PTPRT: variants seen among roughly 807,000 people sequenced by gnomAD.
PTPRT encodes the protein protein tyrosine phosphatase receptor type T, also known as receptor-type tyrosine-protein phosphatase T.
In PTPRT, 56 loss-of-function variants were observed where a neutral mutation model predicts 176.8. The ratio of observed to expected loss-of-function variants is 0.32; its 90% CI spans 0.26 to 0.40. The LOEUF is 0.40. Among genes scored for constraint, PTPRT ranks in the 10% least tolerant of loss-of-function variants. The pLI, the probability that PTPRT is intolerant of heterozygous loss-of-function variation, is 1.00. For missense variants in PTPRT, 1,540 were observed against 1,908.2 expected (o/e 0.81, Z 3.60); for synonymous variants, 783 against 739.0 (o/e 1.06, Z -0.96).
chr20:42,429,605 G>A (rs2059197772), intron 9 of PTPRT, among the ~76,000 whole-genome samples: 1 of 152,180 alleles, frequency 6.6e-6, no homozygotes, highest in African/African-American at 2.4e-5. Flanking sequence ...GCAGAGAAAG[G>A]TGGAGGGAAG....
chr20:42,401,172 C>G (rs2058903431), intron 9 of PTPRT, among the ~76,000 whole-genome samples: 1 of 143,254 alleles, frequency 7.0e-6, no homozygotes, highest in Non-Finnish European at 1.6e-5. Context: ...AATAAACAAA[C>G]CTTTATTTAA....
At chr20:42,109,638 G>A (rs1600529901) in intron 23 of PTPRT, among the ~76,000 whole-genome samples, 1 of 152,220 alleles carries the variant, frequency 6.6e-6, no homozygotes, top group African/African-American at 2.4e-5. Context: ...CTGAGGGCAA[G>A]TGTCTGGAGA....
chr20:42,773,768 C>G (rs1226514807), intron 4 of PTPRT, among the ~76,000 whole-genome samples: 6 of 152,212 alleles, frequency 3.9e-5, no homozygotes, highest in Non-Finnish European at 8.8e-5. Flanking sequence ...GTTCATGCCA[C>G]AGGCTTAAAG....
intron 1 of PTPRT, among the ~76,000 whole-genome samples, chr20:42,921,654 T>C (rs1979151909): frequency 6.6e-6 from 1 of 152,200 alleles, no homozygotes; most frequent in Non-Finnish European, 1.5e-5. Context: ...ATGTTCACTA[T>C]CTCTTTGCTG....
At position 42,837,460 on chromosome 20, in the gene PTPRT, C is replaced by T. The variant is rs1333320005; in HGVS notation, c.215-45994G>A. On this transcript the variant is annotated intron_variant, in intron 2 of 30. Transcript: ENST00000373187. ...CTTGAGAGCTCATCTTTTCCTCCAC[C>T]ATGGTGACCAAGAGCACCACCCATG... 2.0e-5 allele frequency among the ~76,000 whole-genome samples: 3 copies of T among 152,318 alleles called. No individual in the cohort carries two copies. The East Asian group carries it at 5.8e-4, about 29-fold the overall frequency.
intron 1 of PTPRT, among the ~76,000 whole-genome samples, chr20:42,956,943 C>T (rs996184773): frequency 7.9e-5 from 12 of 152,288 alleles, no homozygotes; most frequent in South Asian, 2.1e-4. Context: ...TCACCAACCA[C>T]CCCAGCGCCC....
chr20:42,544,535 T>G (rs960869637), intron 7 of PTPRT, among the ~76,000 whole-genome samples: 2 of 152,212 alleles, frequency 1.3e-5, no homozygotes, highest in African/African-American at 4.8e-5. Flanking sequence ...GCAATATGAC[T>G]GTTTCACTCC....
chr20:43,020,748 A>T (rs759865102), intron 1 of PTPRT, among the ~76,000 whole-genome samples: 2 of 152,206 alleles, frequency 1.3e-5, no homozygotes, highest in Non-Finnish European at 2.9e-5. Context: ...TCAAGGCCCC[A>T]TGACATATTC....
chr20:42,130,402 C>T (rs1988069642), intron 18 of PTPRT, among the ~76,000 whole-genome samples: 1 of 152,138 alleles, frequency 6.6e-6, no homozygotes, highest in Admixed American at 6.5e-5. Flanking sequence ...CAAGGAGGTG[C>T]TTCCCTTGCT....
At chr20:42,232,509 C>T (rs936245898) in intron 15 of PTPRT, among the ~76,000 whole-genome samples, 3 of 152,156 alleles carry the variant, frequency 2.0e-5, no homozygotes, top group African/African-American at 7.2e-5. Flanking sequence ...AAGAGTGAGG[C>T]TTCAAGGCTC....
At chr20:42,281,658 A>C (rs184468453) in intron 13 of PTPRT, among the ~76,000 whole-genome samples, 2 of 152,294 alleles carry the variant, frequency 1.3e-5, no homozygotes, top group Admixed American at 1.3e-4. Context: ...ATGCCTACTT[A>C]CGTTTACCAC....
chr20:42,253,390 C>T (rs1159302536), intron 13 of PTPRT, among the ~76,000 whole-genome samples: 1 of 152,148 alleles, frequency 6.6e-6, no homozygotes, highest in African/African-American at 2.4e-5. Context: ...CCACTGGAAG[C>T]CCTTCAGTGG....
chr20:42,384,530 C>T (rs763751711), intron 9 of PTPRT, among the ~76,000 whole-genome samples: 19 of 152,042 alleles, frequency 1.2e-4, no homozygotes, highest in South Asian at 2.1e-4. Context: ...TAGGTGGCTT[C>T]GATGTCTTGG....
At chr20:42,984,712 GAGA>G (rs1983474364) in intron 1 of PTPRT, among the ~76,000 whole-genome samples, 2 of 152,224 alleles carry the variant, frequency 1.3e-5, no homozygotes, top group Non-Finnish European at 1.5e-5. Flanking sequence ...AATAGGCTCA[GAGA>G]AGTTCTTTAA....
intron 14 of PTPRT, 59 bp from the exon 15 acceptor site, chr20:42,236,317 A>G: frequency 3.8e-6 from 5 of 1,328,594 alleles, no homozygotes; most frequent in Non-Finnish European, 5.4e-6. Flanking sequence ...AAAAGAAAAG[A>G]CAAACAAACA....
intron 29 of PTPRT, among the ~76,000 whole-genome samples, chr20:42,083,914 C>T (rs1983610816): frequency 1.3e-5 from 2 of 152,192 alleles, no homozygotes; most frequent in Admixed American, 1.3e-4. Flanking sequence ...TCACTCTATA[C>T]TCCCAGGATA....
intron 17 of PTPRT, among the ~76,000 whole-genome samples, chr20:42,142,372 G>A (rs1418186178): frequency 6.6e-6 from 1 of 152,126 alleles, no homozygotes; most frequent in Non-Finnish European, 1.5e-5. Flanking sequence ...TTCCCCTTGA[G>A]CTTCCAGTCA....
chr20:43,176,560 C>T (rs1366586179), intron 1 of PTPRT, among the ~76,000 whole-genome samples: 2 of 152,300 alleles, frequency 1.3e-5, no homozygotes, highest in South Asian at 2.1e-4. Flanking sequence ...AGGCAAAATG[C>T]CCTTTATCCA....
At chr20:42,923,909 A>T (rs1979322741) in intron 1 of PTPRT, among the ~76,000 whole-genome samples, 1 of 151,648 alleles carries the variant, frequency 6.6e-6, no homozygotes. Context: ...CAGCAGTGTG[A>T]TCTCAGCTCA....
Sources: allele counts gnomAD v4.1 joint callset (sites outside exome capture counted in the v4.1 genomes callset), GRCh38; gene constraint gnomAD v4.1.1; transcripts MANE v1.5; gene names NCBI Gene and HGNC (gene_info 2026-07-23, HGNC 2026-07-21).